Variants in AUTS2 observed in about 807,000 individuals in gnomAD.
AUTS2 encodes activator of transcription and developmental regulator AUTS2, also known as autism susceptibility gene 2 protein.
In AUTS2, 17 loss-of-function variants were observed where a neutral mutation model predicts 112.4. The observed-to-expected ratio is 0.15, with a 90% CI of 0.10 to 0.23. AUTS2 has a LOEUF of 0.23. Ranked by LOEUF, AUTS2 falls within the 10% of genes least tolerant of loss-of-function variation. AUTS2 has a pLI of 1.00. For missense variants in AUTS2, 1,510 were observed against 1,701.6 expected (o/e 0.89, Z 1.98); for synonymous variants, 751 against 702.7 (o/e 1.07, Z -1.09).
At chr7:69,790,678 A>T (rs550465208) in intron 1 of AUTS2, among the ~76,000 whole-genome samples, 10 of 152,384 alleles carry the variant, frequency 6.6e-5, no homozygotes, top group Non-Finnish European at 1.0e-4. Flanking sequence ...GCCTTGGCAC[A>T]TAGCAAGTAC....
At chr7:70,008,343 G>C (rs1206510880) in intron 2 of AUTS2, among the ~76,000 whole-genome samples, 1 of 151,916 alleles carries the variant, frequency 6.6e-6, no homozygotes, top group Non-Finnish European at 1.5e-5. Context: ...ATGAGACTTT[G>C]AATTTATTTT....
intron 1 of AUTS2, among the ~76,000 whole-genome samples, chr7:69,769,397 C>T (rs1012528613): frequency 6.6e-6 from 1 of 152,132 alleles, no homozygotes; most frequent in Non-Finnish European, 1.5e-5. Context: ...GTATTGACTG[C>T]TGTCCAGGAA....
intron 5 of AUTS2, among the ~76,000 whole-genome samples, chr7:70,626,376 A>G (rs1456082639): frequency 6.6e-6 from 1 of 151,354 alleles, no homozygotes; most frequent in African/African-American, 2.4e-5. Context: ...AAAAAAAAAA[A>G]AAAAAAAATT....
intron 1 of AUTS2, among the ~76,000 whole-genome samples, chr7:69,686,218 G>A (rs533054133): frequency 5.9e-5 from 9 of 152,156 alleles, no homozygotes; most frequent in Non-Finnish European, 7.3e-5. Flanking sequence ...AACAACAGGA[G>A]CTGATATTTG....
chr7:70,487,101 G>C (rs922887030), intron 5 of AUTS2, among the ~76,000 whole-genome samples: 1 of 152,052 alleles, frequency 6.6e-6, no homozygotes. Flanking sequence ...TGATAGGAGC[G>C]TTACTGGGAG....
At chr7:70,506,124 T>C (rs1355284123) in intron 5 of AUTS2, among the ~76,000 whole-genome samples, 1 of 152,114 alleles carries the variant, frequency 6.6e-6, no homozygotes, top group Admixed American at 6.5e-5. Context: ...CCCTGGGGTG[T>C]CTTTTTCTCC....
chr7:70,578,006 A>G (rs1802252875), intron 5 of AUTS2, among the ~76,000 whole-genome samples: 1 of 151,714 alleles, frequency 6.6e-6, no homozygotes, highest in South Asian at 2.1e-4. Context: ...AATTTTTTGT[A>G]TTTTTAGTAG....
At chr7:70,513,375 G>T (rs1327687396) in intron 5 of AUTS2, among the ~76,000 whole-genome samples, 1 of 152,204 alleles carries the variant, frequency 6.6e-6, no homozygotes, top group African/African-American at 2.4e-5. Flanking sequence ...TCCATAAGTG[G>T]TACAATTGTT....
Position 70,698,819 on chromosome 7 carries a change from A to C in AUTS2, c.742+199A>C. 5 of 463,036 alleles carry C rather than the reference A, an allele frequency of 1.1e-5. No individual in the cohort carries two copies. The South Asian group carries it at 2.5e-4, about 23-fold the overall frequency. The allele number at this position is 463,036 out of a possible 1,614,324, so 28.7% of individuals were successfully genotyped here. ...TTAACAACCAGTTTATTTTAAAAGA[A>C]TACATTGAGTCCCTATTTAAACTGA... is the stretch of plus-strand genomic sequence containing the variant. On this transcript the variant is annotated intron_variant, in intron 6 of 18. Coordinates refer to ENST00000342771, the MANE Select transcript of AUTS2 (RefSeq NM_015570.4).
intron 6 of AUTS2, among the ~76,000 whole-genome samples, chr7:70,707,306 T>C (rs1175814946): frequency 2.6e-5 from 4 of 152,242 alleles, no homozygotes; most frequent in Non-Finnish European, 5.9e-5. Context: ...TTGTTCACTT[T>C]ATATGTAATT....
At chr7:70,482,264 A>C (rs1413482784) in intron 5 of AUTS2, among the ~76,000 whole-genome samples, 1 of 152,164 alleles carries the variant, frequency 6.6e-6, no homozygotes, top group East Asian at 1.9e-4. Context: ...TAAGGCCCCC[A>C]TAGTCCTACT....
At chr7:70,226,409 G>C (rs1235903496) in intron 4 of AUTS2, among the ~76,000 whole-genome samples, 1 of 143,844 alleles carries the variant, frequency 7.0e-6, no homozygotes, top group East Asian at 2.0e-4. Context: ...GTTTCACTGT[G>C]TTACTCAGGA....
At chr7:69,979,520 G>A (rs983080995) in intron 2 of AUTS2, among the ~76,000 whole-genome samples, 1 of 152,140 alleles carries the variant, frequency 6.6e-6, no homozygotes, top group Non-Finnish European at 1.5e-5. Flanking sequence ...GAGGTAAATG[G>A]AATCACAGTT....
chr7:69,601,854 G>C (rs1251861539), intron 1 of AUTS2, among the ~76,000 whole-genome samples: 1 of 151,942 alleles, frequency 6.6e-6, no homozygotes, highest in Non-Finnish European at 1.5e-5. Flanking sequence ...ATGCTGCTTG[G>C]AATTTGGTTC....
At chr7:70,237,955 A>T (rs1412661785) in intron 4 of AUTS2, among the ~76,000 whole-genome samples, 1 of 152,222 alleles carries the variant, frequency 6.6e-6, no homozygotes, top group East Asian at 1.9e-4. Flanking sequence ...TTTCCCCAGC[A>T]TGCAGTAACA....
At chr7:70,095,368 C>T (rs148317506) in intron 2 of AUTS2, among the ~76,000 whole-genome samples, 68 of 152,250 alleles carry the variant, frequency 4.5e-4, no homozygotes, top group Non-Finnish European at 5.4e-4. Context: ...CTTACAACTA[C>T]GTGTACTACT....
chr7:69,844,709 T>A (rs773079306), intron 1 of AUTS2, among the ~76,000 whole-genome samples: 2 of 152,178 alleles, frequency 1.3e-5, no homozygotes, highest in Non-Finnish European at 1.5e-5. Flanking sequence ...ACCTCAGCTC[T>A]CTAGATCTGT....
intron 4 of AUTS2, among the ~76,000 whole-genome samples, chr7:70,311,232 G>A (rs955030700): frequency 1.3e-5 from 2 of 152,158 alleles, no homozygotes; most frequent in Non-Finnish European, 2.9e-5. Context: ...CTTACATGAT[G>A]TGAGGATGTG....
chr7:69,741,944 A>G (rs4717521), intron 1 of AUTS2, among the ~76,000 whole-genome samples: 108,520 of 151,582 alleles, frequency 0.72, 38,909 homozygotes, highest in East Asian at 0.78. Context: ...TTAGGCATGA[A>G]GCACCACGCT....
Sources: allele counts gnomAD v4.1 joint callset (sites outside exome capture counted in the v4.1 genomes callset), GRCh38; gene constraint gnomAD v4.1.1; transcripts MANE v1.5; gene names NCBI Gene and HGNC (gene_info 2026-07-23, HGNC 2026-07-21).